Variants in LNPK observed in about 807,000 individuals in gnomAD.
LNPK encodes the protein lunapark, ER junction formation factor.
Under a neutral mutation model 55.2 loss-of-function variants are expected in LNPK, and 29 were observed. The observed-to-expected ratio is 0.53, with a 90% CI of 0.39 to 0.72. The LOEUF is 0.72. Among genes scored for constraint, LNPK ranks in the 30% least tolerant of loss-of-function variants. The pLI, the probability that LNPK is intolerant of heterozygous loss-of-function variation, is 0.00. For missense variants in LNPK, 467 were observed against 494.8 expected (o/e 0.94, Z 0.53); for synonymous variants, 162 against 168.2 (o/e 0.96, Z 0.29).
intron 1 of LNPK, among the ~76,000 whole-genome samples, chr2:175,998,380 T>C (rs1448204472): frequency 6.7e-6 from 1 of 149,532 alleles, no homozygotes; most frequent in Non-Finnish European, 1.5e-5. Context: ...GAGGCGGAGG[T>C]TGCAGTGAGC....
chr2:175,937,641 A>G, intron 11 of LNPK, 127 bp from the exon 12 acceptor site: 2 of 612,320 alleles, frequency 3.3e-6, no homozygotes, highest in South Asian at 4.4e-5. Flanking sequence ...TGTGTATGTT[A>G]TTTAAATAAT....
In LNPK at chr2:175,930,001, G is replaced by C. The variant is rs142985661; in HGVS notation, c.1253C>G (p.Pro418Arg). The change falls in exon 13 of 13, where the codon CCT becomes CGT. Residue 418 changes from proline to arginine, a missense_variant. By Grantham distance (103) the Pro-to-Arg change is moderately radical. Coordinates refer to ENST00000272748, the MANE Select transcript of LNPK (RefSeq NM_030650.3). ...TVPGADSIPD[P>R]ELSGESLTAE ...CGTCAAAGATTCTCCACTTAGTTCA[G>C]GATCAGGAATAGAATCAGCTCCAGG... The C allele has an allele frequency of 5.5e-5, 88 of 1,613,856 alleles. No individual in the cohort carries two copies. In the African/African-American group the frequency reaches 9.3e-4, roughly 17 times the overall value.
chr2:175,942,882 G>A (rs1574821643), intron 9 of LNPK, among the ~76,000 whole-genome samples: 2 of 148,292 alleles, frequency 1.3e-5, no homozygotes, highest in East Asian at 3.9e-4. Context: ...CTGGTTCTTT[G>A]AAAAGATCAA....
At chr2:175,959,657 C>G (rs182615829) in intron 8 of LNPK, among the ~76,000 whole-genome samples, 12 of 152,282 alleles carry the variant, frequency 7.9e-5, no homozygotes, top group African/African-American at 2.9e-4. Context: ...CGTCAACTAA[C>G]AAGCAAAATA....
chr2:175,957,101 T>C (rs184570980), intron 8 of LNPK, among the ~76,000 whole-genome samples: 1 of 152,206 alleles, frequency 6.6e-6, no homozygotes, highest in East Asian at 1.9e-4. Context: ...CTCACACCTA[T>C]AATCCCAAAA....
chr2:175,988,512 C>CAAA (rs575414400), intron 4 of LNPK, among the ~76,000 whole-genome samples: 22 of 58,604 alleles, frequency 3.8e-4, no homozygotes, highest in Middle Eastern at 0.016. Context: ...ACTCTGTCTC[C>CAAA]AAAAAAAAAA....
In LNPK at chr2:175,979,245, A is replaced by G. The variant is rs1687055770; in HGVS notation, c.316+565T>C. Among the ~76,000 whole-genome samples, 6 of 152,296 alleles carry G rather than the reference A, an allele frequency of 3.9e-5. No homozygotes were observed. In the South Asian group the frequency reaches 1.2e-3, roughly 32 times the overall value. On this transcript the variant is annotated intron_variant, in intron 5 of 12. Coordinates refer to ENST00000272748, the MANE Select transcript of LNPK (RefSeq NM_030650.3). The stretch of plus-strand genomic sequence containing the variant: ...TTCCATAAAGATTAATTTAACAAAT[A>G]TAAATTCTCTTTATTTAAAAATGTT...
At chr2:175,969,319 A>T (rs956189540) in intron 6 of LNPK, among the ~76,000 whole-genome samples, 1 of 152,206 alleles carries the variant, frequency 6.6e-6, no homozygotes, top group Admixed American at 6.5e-5. Flanking sequence ...AAAATGAAAC[A>T]TCTTTTATGT....
chr2:175,937,068 C>T (rs1355913125), intron 12 of LNPK, among the ~76,000 whole-genome samples: 1 of 152,080 alleles, frequency 6.6e-6, no homozygotes, highest in Non-Finnish European at 1.5e-5. Flanking sequence ...GAAAATATTA[C>T]TAATCAAATC....
intron 6 of LNPK, among the ~76,000 whole-genome samples, chr2:175,969,036 A>C (rs1440084740): frequency 2.0e-5 from 3 of 152,150 alleles, no homozygotes; most frequent in Admixed American, 6.6e-5. Flanking sequence ...GAAAAAAAAA[A>C]AACCAAAGTG....
At chr2:175,953,946 T>G (rs1685554708) in intron 8 of LNPK, among the ~76,000 whole-genome samples, 1 of 152,104 alleles carries the variant, frequency 6.6e-6, no homozygotes, top group Non-Finnish European at 1.5e-5. Flanking sequence ...TGACCCCTAC[T>G]TTCCTTTTTC....
chr2:176,001,284 T>C (rs1345984688), intron 1 of LNPK, among the ~76,000 whole-genome samples: 1 of 152,148 alleles, frequency 6.6e-6, no homozygotes, highest in African/African-American at 2.4e-5. Flanking sequence ...GAGTCAATTT[T>C]GTCAATGCTG....
In LNPK at chr2:175,930,105, T is replaced by C. The variant is rs201137152; in HGVS notation, c.1149A>G (p.Ala383=). The C allele has an allele frequency of 2.5e-6, 4 of 1,614,112 alleles. No individual in the cohort carries two copies. Among genetic ancestry groups the C allele is most frequent in the Middle Eastern group, 1.6e-4 (1 of 6,062 alleles). ...TCTCCTCTGGTTCCTCTGAGTCAGA[T>C]GCTTTTTCAATCACTTGGTTTGTCT... ...TEQTNQVIEK[A]SDSEEPEEKQ... is the part of the protein sequence containing the mutation. Residue 383 remains alanine (A), a synonymous_variant, in exon 13 of 13, where the codon GCA becomes GCG. Coordinates refer to ENST00000272748, the MANE Select transcript of LNPK (RefSeq NM_030650.3).
At chr2:175,940,907 C>T in intron 9 of LNPK, 1 of 446,090 alleles carries the variant, frequency 2.2e-6, no homozygotes, top group South Asian at 1.6e-5. Flanking sequence ...AGTTTAGACA[C>T]TGCACACAAA....
chr2:175,930,768 G>C (rs1684246956), intron 12 of LNPK, among the ~76,000 whole-genome samples: 2 of 151,958 alleles, frequency 1.3e-5, no homozygotes, highest in South Asian at 2.1e-4. Flanking sequence ...TTTTCCAAAG[G>C]CATGACTAGT....
At chr2:175,990,772 T>C (rs904096378) in intron 4 of LNPK, among the ~76,000 whole-genome samples, 2 of 151,970 alleles carry the variant, frequency 1.3e-5, no homozygotes, top group African/African-American at 4.8e-5. Flanking sequence ...CTCACTGAAA[T>C]AGAAGCTACA....
chr2:175,962,870 C>G (rs1333685151), intron 8 of LNPK, among the ~76,000 whole-genome samples: 1 of 151,084 alleles, frequency 6.6e-6, no homozygotes, highest in East Asian at 1.9e-4. Flanking sequence ...AAAAAACAAA[C>G]AACCCCATCA....
At chr2:175,987,634 T>C (rs1687489453) in intron 4 of LNPK, among the ~76,000 whole-genome samples, 1 of 151,048 alleles carries the variant, frequency 6.6e-6, no homozygotes, top group African/African-American at 2.4e-5. Context: ...GTAACAAACC[T>C]GCACATTGTG....
chr2:175,970,736 A>T lies in LNPK; in HGVS notation c.357+28T>A, dbSNP rs1427986811. 5 of 1,177,916 alleles carry T rather than the reference A, an allele frequency of 4.2e-6. No individual in the cohort carries two copies. The East Asian group carries it at 9.0e-5, about 21-fold the overall frequency. 73.0% of individuals were successfully genotyped at this position (1,177,916 alleles called of 1,614,324 possible). ...ATTCAGTTCTTATTAGTTTAATATA[A>T]ATTAATTTTAAATAAAAGTTAACTT... is the stretch of plus-strand genomic sequence containing the variant. On this transcript the variant is annotated intron_variant, in intron 6 of 12. Coordinates refer to ENST00000272748, the MANE Select transcript of LNPK (RefSeq NM_030650.3).
Sources: gnomAD v4.1 joint callset for allele counts (sites outside exome capture counted in the v4.1 genomes callset) on GRCh38, gnomAD v4.1.1 for gene constraint, MANE v1.5 for transcripts, NCBI Gene and HGNC (gene_info 2026-07-23, HGNC 2026-07-21) for gene names.